SYN3: variants seen among roughly 807,000 people sequenced by gnomAD.
SYN3 encodes synapsin-3.
SYN3 carries 35 observed loss-of-function variants against 65.8 expected under a neutral mutation model. The ratio of observed to expected loss-of-function variants is 0.53; its 90% CI spans 0.41 to 0.70. The LOEUF is 0.70. Ranked by LOEUF, SYN3 falls within the 30% of genes least tolerant of loss-of-function variation. The pLI is 0.00. For missense variants in SYN3, 680 were observed against 749.0 expected, an observed-to-expected ratio of 0.91 and a Z score of 1.08; for synonymous variants, 270 against 292.9, an observed-to-expected ratio of 0.92 and a Z score of 0.80.
chr22:32,962,784 T>C (rs749919886), intron 3 of SYN3, among the ~76,000 whole-genome samples: 12 of 151,860 alleles, frequency 7.9e-5, no homozygotes, highest in Non-Finnish European at 1.0e-4. Flanking sequence ...GATAGTAAAG[T>C]CTTGGCAGAG....
At chr22:32,684,058 A>C (rs2060558438) in intron 6 of SYN3, among the ~76,000 whole-genome samples, 1 of 152,212 alleles carries the variant, frequency 6.6e-6, no homozygotes, top group South Asian at 2.1e-4. Context: ...TGTGATCCCA[A>C]TTGAGCATCA....
At chr22:32,707,242 G>A (rs754538565) in intron 6 of SYN3, among the ~76,000 whole-genome samples, 4 of 152,178 alleles carry the variant, frequency 2.6e-5, no homozygotes, top group Non-Finnish European at 5.9e-5. Context: ...TACATGAGCG[G>A]ATGTGGACAT....
At chr22:32,885,796 G>A (rs1807708) in intron 4 of SYN3, among the ~76,000 whole-genome samples, 30,950 of 152,028 alleles carry the variant, frequency 0.2, 4,054 homozygotes, top group Non-Finnish European at 0.29. Context: ...CCTGACTTAA[G>A]GTGATCCGCC....
At chr22:32,688,686 G>C (rs1464784541) in intron 6 of SYN3, among the ~76,000 whole-genome samples, 3 of 148,820 alleles carry the variant, frequency 2.0e-5, no homozygotes, top group African/African-American at 7.5e-5. Flanking sequence ...CTCAGGCAGA[G>C]CCTTGTCCTC....
At chr22:32,788,190 A>C (rs2046239230) in intron 6 of SYN3, among the ~76,000 whole-genome samples, 1 of 152,114 alleles carries the variant, frequency 6.6e-6, no homozygotes, top group Non-Finnish European at 1.5e-5. Context: ...CCAACCGTGG[A>C]TGGAAAACAT....
Position 32,518,327 on chromosome 22 carries a change from A to C in SYN3, c.1326T>G (p.Pro442=). 1 of 1,608,702 alleles carries C rather than the reference A, an allele frequency of 6.2e-7. No individual in the cohort carries two copies. Among genetic ancestry groups the C allele is most frequent in the South Asian group, 1.1e-5 (1 of 90,346 alleles). Residue 442 remains proline (P), a synonymous_variant, in exon 13 of 14, where the codon CCT becomes CCG. Coordinates refer to ENST00000358763, the MANE Select transcript of SYN3 (RefSeq NM_003490.4). The stretch of plus-strand genomic sequence containing the variant: ...GGGGCTGAGGAGACTGAGCTTGGCG[A>C]GGGCCTCCTAAGGGGCCAGAAAAAA... ...PQPRPPPQGG[P]RQAQSPQPQR... is the part of the protein sequence containing the mutation.
In SYN3 at chr22:32,509,727, C is replaced by T. The variant is rs1211643449; in HGVS notation, c.*3965G>A. ...GGGACTACAGGCGCCCGCTACCACG[C>T]CCGGCTAATTTTTTATATTTTTAGT... On this transcript the variant is annotated 3_prime_UTR_variant, in exon 14 of 14. Transcript: ENST00000358763. Among the ~76,000 whole-genome samples, 2 of 151,994 alleles carry T rather than the reference C, an allele frequency of 1.3e-5. No individual in the cohort carries two copies. Among genetic ancestry groups the T allele is most frequent in the African/African-American group, 4.8e-5 (2 of 41,356 alleles).
intron 6 of SYN3, among the ~76,000 whole-genome samples, chr22:32,621,611 G>C (rs947170453): frequency 1.3e-5 from 2 of 152,176 alleles, no homozygotes; most frequent in Non-Finnish European, 2.9e-5. Context: ...CTGGTGCTGG[G>C]AACTGCTTCT....
chr22:32,832,794 A>G (rs555277413), intron 6 of SYN3, among the ~76,000 whole-genome samples: 2 of 152,046 alleles, frequency 1.3e-5, no homozygotes, highest in Non-Finnish European at 2.9e-5. Flanking sequence ...GTGGCATGAT[A>G]CTGGCTTCCT....
Position 32,928,265 on chromosome 22 carries a change from G to A in SYN3, c.461+3125C>T, listed in dbSNP as rs528655765. On this transcript the variant is annotated intron_variant, in intron 4 of 13. Coordinates refer to ENST00000358763, the MANE Select transcript of SYN3 (RefSeq NM_003490.4). ...GAAGGGTGTGAACCTGGAAGGCAGA[G>A]CTTGCAGTGAACCGAGATCGCACCA... is the stretch of plus-strand genomic sequence containing the variant. 2.6e-5 allele frequency among the ~76,000 whole-genome samples: 4 copies of A among 152,204 alleles called. No homozygotes were observed. The South Asian group carries it at 8.3e-4, about 32-fold the overall frequency.
In SYN3 at chr22:32,529,043, T is replaced by C. The variant is rs767456222; in HGVS notation, c.1096-35A>G. The C allele has an allele frequency of 5.0e-6, 8 of 1,612,568 alleles. No homozygotes were observed. The African/African-American group carries it at 6.7e-5, about 13-fold the overall frequency. Reference sequence around the variant, plus strand: ...GGAAGGGAGAGCTGAGGGACCCCCATGCCAGGAGAGATGGCGGTTGGGCAT... The same window carrying C: ...GGAAGGGAGAGCTGAGGGACCCCCACGCCAGGAGAGATGGCGGTTGGGCAT... On this transcript the variant is annotated intron_variant, in intron 10 of 13. Transcript: ENST00000358763.
At chr22:32,668,282 A>T (rs963434858) in intron 6 of SYN3, among the ~76,000 whole-genome samples, 171 of 152,344 alleles carry the variant, frequency 1.1e-3, no homozygotes, top group African/African-American at 4.0e-3. Context: ...GAAACTGTGG[A>T]TGAGAAATTG....
intron 4 of SYN3, among the ~76,000 whole-genome samples, chr22:32,899,300 C>A (rs1436408087): frequency 6.6e-6 from 1 of 152,140 alleles, no homozygotes. Flanking sequence ...CAATAATGAA[C>A]ACATATTGAG....
rs2057650392 is a variant in SYN3 at position 32,508,020 on chromosome 22, A to G, written c.*5672T>C. On this transcript the variant is annotated 3_prime_UTR_variant, in exon 14 of 14. Coordinates refer to ENST00000358763, the MANE Select transcript of SYN3 (RefSeq NM_003490.4). ...CCCCAAAAATTTTCGTCGCCCCAAC[A>G]CTTCAACACTATTTTGTTTTATTTT... 6.6e-6 allele frequency among the ~76,000 whole-genome samples: 1 copy of G among 151,922 alleles called. No homozygotes were observed. The highest frequency in any genetic ancestry group is 2.4e-5 in the African/African-American group (1 of 41,324).
At position 32,868,970 on chromosome 22, in the gene SYN3, C is replaced by G; in HGVS notation, c.617G>C (p.Trp206Ser). The change falls in exon 5 of 14, where the codon TGG (tryptophan) becomes TCG (serine). Residue 206 changes from tryptophan to serine, a missense_variant. Physicochemically the swap from Trp to Ser is radical, Grantham distance 177. Coordinates refer to ENST00000358763, the MANE Select transcript of SYN3 (RefSeq NM_003490.4). ...YSVYNFCSKP[W>S]VFSQLIKIFH... ...TCAGCCTGCCCTGTCACCTACCACC[C>G]AGGGCTTGCTGCAGAAGTTGTAGAC... is the stretch of plus-strand genomic sequence containing the variant. 6.2e-7 allele frequency: 1 copy of G among 1,613,634 alleles called. No homozygotes were observed. Among genetic ancestry groups the G allele is most frequent in the Non-Finnish European group, 8.5e-7 (1 of 1,179,798 alleles).
intron 6 of SYN3, 68 bp from the exon 7 acceptor site, chr22:32,596,804 T>C (rs2059206882): frequency 6.7e-7 from 1 of 1,489,382 alleles, no homozygotes; most frequent in Non-Finnish European, 9.3e-7. Flanking sequence ...TGGGTGCTGC[T>C]TGTTCCATAG....
chr22:32,651,277 T>C (rs2060066777), intron 6 of SYN3, among the ~76,000 whole-genome samples: 1 of 152,012 alleles, frequency 6.6e-6, no homozygotes, highest in East Asian at 1.9e-4. Context: ...CCAGCATTGA[T>C]GTGTGTGGGG....
intron 6 of SYN3, among the ~76,000 whole-genome samples, chr22:32,817,860 G>A (rs1238293834): frequency 2.6e-5 from 4 of 152,144 alleles, no homozygotes; most frequent in South Asian, 2.1e-4. Context: ...GGGACATACC[G>A]GTGCAACCCC....
At chr22:32,919,223 AC>A (rs1473452901) in intron 4 of SYN3, among the ~76,000 whole-genome samples, 2 of 151,930 alleles carry the variant, frequency 1.3e-5, no homozygotes, top group Non-Finnish European at 2.9e-5. Context: ...CGCTCTGCTC[AC>A]TCTGTTTTCC....
Sources: gnomAD v4.1 joint callset for allele counts (sites outside exome capture counted in the v4.1 genomes callset) on GRCh38, gnomAD v4.1.1 for gene constraint, MANE v1.5 for transcripts, NCBI Gene and HGNC (gene_info 2026-07-23, HGNC 2026-07-21) for gene names.